GABRB3: variants seen among roughly 807,000 people sequenced by gnomAD.
GABRB3 encodes the protein gamma-aminobutyric acid receptor subunit beta-3.
Under a neutral mutation model 52.1 loss-of-function variants are expected in GABRB3, and 14 were observed. That is an observed-to-expected ratio of 0.27 (90% CI 0.18 to 0.42). GABRB3 has a LOEUF of 0.42. GABRB3 is among the 10% of genes least tolerant of loss of function. The pLI, the probability that GABRB3 is intolerant of heterozygous loss-of-function variation, is 1.00. For missense variants in GABRB3, 307 were observed against 609.1 expected (o/e 0.50, Z 5.22); for synonymous variants, 260 against 232.3 (o/e 1.12, Z -1.08).
At chr15:26,659,803 G>C (rs1887483573) in intron 3 of GABRB3, among the ~76,000 whole-genome samples, 1 of 152,134 alleles carries the variant, frequency 6.6e-6, no homozygotes, top group South Asian at 2.1e-4. Context: ...CCTGCACTGG[G>C]CCACCCATGG....
At chr15:26,654,605 A>T (rs539816378) in intron 3 of GABRB3, among the ~76,000 whole-genome samples, 92 of 152,176 alleles carry the variant, frequency 6.0e-4, no homozygotes, top group South Asian at 4.6e-3. Context: ...AAATAAATTT[A>T]AAAAAATTAG....
At chr15:26,616,210 G>T (rs74004614) in intron 4 of GABRB3, 85,596 of 538,750 alleles carry the variant, frequency 0.16, 7,241 homozygotes, top group African/African-American at 0.26. Context: ...GGGTGGCTGA[G>T]CCATGTGAGC....
chr15:26,561,926 T>TG (rs1890004531), intron 7 of GABRB3, among the ~76,000 whole-genome samples: 1 of 152,256 alleles, frequency 6.6e-6, no homozygotes, highest in African/African-American at 2.4e-5. Flanking sequence ...CACCATACTC[T>TG]GGCGCAACTC....
At chr15:26,673,952 G>A (rs984268759) in intron 3 of GABRB3, among the ~76,000 whole-genome samples, 4 of 151,988 alleles carry the variant, frequency 2.6e-5, no homozygotes, top group African/African-American at 7.3e-5. Context: ...AGATATATAC[G>A]CCTAACATTG....
intron 4 of GABRB3, among the ~76,000 whole-genome samples, chr15:26,592,598 G>A (rs1046151528): frequency 6.6e-6 from 1 of 152,202 alleles, no homozygotes; most frequent in African/African-American, 2.4e-5. Context: ...AACACTGAGA[G>A]ATGAATGCAA....
At chr15:26,560,855 A>G (rs1889953846) in intron 8 of GABRB3, 77 bp downstream of exon 8, 2 of 1,602,020 alleles carry the variant, frequency 1.2e-6, no homozygotes, top group African/African-American at 2.7e-5. Flanking sequence ...GGAAAAAACA[A>G]AGAAATATCA....
intron 3 of GABRB3, among the ~76,000 whole-genome samples, chr15:26,627,574 A>C (rs12148846): frequency 0.31 from 46,302 of 151,078 alleles, 8,919 homozygotes; most frequent in Middle Eastern, 0.49. Context: ...TCCAGCCCTC[A>C]TGGATGACTT....
rs1007014912 is a variant in GABRB3, at chr15:26,546,115, A to C, written c.*1678T>G. ...CACTCTGGTCCTTGGTTTTGGATAGAACAGAGAGGGTGAGGCATACGTGGC... is the reference window on the plus strand; with the variant it reads ...CACTCTGGTCCTTGGTTTTGGATAGCACAGAGAGGGTGAGGCATACGTGGC... On this transcript the variant is annotated 3_prime_UTR_variant, in exon 9 of 9. Coordinates refer to ENST00000311550, the MANE Select transcript of GABRB3 (RefSeq NM_000814.6). 1.6e-4 allele frequency: 25 copies of C among 152,536 alleles called. No homozygotes were observed. The highest frequency in any genetic ancestry group is 1.3e-4 in the Admixed American group (2 of 15,264). The allele number at this position is 152,536 out of a possible 1,614,324, so 9.4% of individuals were successfully genotyped here. A position where few individuals can be genotyped will look rare whatever the true frequency, so the allele number is the denominator to read the frequency against.
intron 4 of GABRB3, among the ~76,000 whole-genome samples, chr15:26,586,185 G>C (rs1000455262): frequency 6.6e-6 from 1 of 151,878 alleles, no homozygotes. Context: ...ATTTTTAGAA[G>C]AGACAGGGTT....
At chr15:26,629,366 G>T (rs892666877) in intron 3 of GABRB3, among the ~76,000 whole-genome samples, 1 of 152,212 alleles carries the variant, frequency 6.6e-6, no homozygotes, top group African/African-American at 2.4e-5. Context: ...GGCGCTGTGC[G>T]GCGTGGAGAA....
chr15:26,665,994 C>T (rs74004639), intron 3 of GABRB3, among the ~76,000 whole-genome samples: 18,868 of 152,046 alleles, frequency 0.12, 2,402 homozygotes, highest in African/African-American at 0.33. Flanking sequence ...CTCAGATAAT[C>T]CAAAGTAGAA....
rs150352419 is a variant in GABRB3 at position 26,694,177 on chromosome 15, G to T, written c.241-72643C>A. Among the ~76,000 whole-genome samples the T allele has an allele frequency of 2.8e-3, 430 of 152,252 alleles. 2 individuals carry two copies. Among genetic ancestry groups the T allele is most frequent in the African/African-American group, 9.2e-3 (384 of 41,554 alleles). On this transcript the variant is annotated intron_variant, in intron 3 of 8. Transcript: ENST00000311550. ...TTCTTCCCTTAACAAAGGCCTATCTGCAAGGATAACTACTTTACTAGAGCC... is the reference window on the plus strand; with the variant it reads ...TTCTTCCCTTAACAAAGGCCTATCTTCAAGGATAACTACTTTACTAGAGCC...
At chr15:26,732,355 T>G (rs887297954) in intron 3 of GABRB3, among the ~76,000 whole-genome samples, 5 of 151,646 alleles carry the variant, frequency 3.3e-5, no homozygotes, top group African/African-American at 1.2e-4. Context: ...GATGAGTAGA[T>G]AGAGAGATAA....
intron 3 of GABRB3, among the ~76,000 whole-genome samples, chr15:26,676,270 G>T (rs967436310): frequency 3.3e-5 from 5 of 152,288 alleles, no homozygotes; most frequent in African/African-American, 1.2e-4. Context: ...TCAAATATCT[G>T]CGGCTCCCCC....
At chr15:26,772,078 G>C (rs1235313263) in intron 3 of GABRB3, 1 of 287,158 alleles carries the variant, frequency 3.5e-6, no homozygotes, top group Non-Finnish European at 6.3e-6. Flanking sequence ...GACAGCGCTC[G>C]GGAAACCTCG....
At chr15:26,740,241 G>C (rs1032722063) in intron 3 of GABRB3, among the ~76,000 whole-genome samples, 1 of 152,056 alleles carries the variant, frequency 6.6e-6, no homozygotes, top group Non-Finnish European at 1.5e-5. Flanking sequence ...AAGCCCACAG[G>C]GGACACACTC....
At chr15:26,550,211 G>A (rs1264283854) in intron 8 of GABRB3, 1 of 152,184 alleles carries the variant, frequency 6.6e-6, no homozygotes, top group Admixed American at 6.5e-5. Context: ...CTGAGGACTT[G>A]AGTCACCCTT....
At chr15:26,711,073 A>C (rs1319319967) in intron 3 of GABRB3, among the ~76,000 whole-genome samples, 2 of 152,174 alleles carry the variant, frequency 1.3e-5, no homozygotes, top group Non-Finnish European at 2.9e-5. Flanking sequence ...AACACCATCT[A>C]TTCCAAAACA....
At chr15:26,685,716 C>G (rs1016694789) in intron 3 of GABRB3, among the ~76,000 whole-genome samples, 2 of 151,410 alleles carry the variant, frequency 1.3e-5, no homozygotes, top group African/African-American at 4.9e-5. Flanking sequence ...GGGCCTCTAA[C>G]TTGTCAAAAT....
Sources: allele counts gnomAD v4.1 joint callset (sites outside exome capture counted in the v4.1 genomes callset), GRCh38; gene constraint gnomAD v4.1.1; transcripts MANE v1.5; gene names NCBI Gene and HGNC (gene_info 2026-07-23, HGNC 2026-07-21).